The following NSMCE2 variants were observed in gnomAD, a reference collection of about 807,000 sequenced individuals.
The protein encoded by NSMCE2 is E3 SUMO-protein ligase NSE2.
Under a neutral mutation model 23.8 loss-of-function variants are expected in NSMCE2, and 24 were observed. The ratio of observed to expected loss-of-function variants is 1.01; its 90% CI spans 0.73 to 1.42. The LOEUF is 1.42. Ranked by LOEUF, NSMCE2 falls within the 40% of genes most tolerant of loss-of-function variation. The pLI, the probability that NSMCE2 is intolerant of heterozygous loss-of-function variation, is 0.00. For synonymous variants in NSMCE2, 92 were observed against 94.1 expected (o/e 0.98, Z 0.13); for missense variants, 284 against 296.5 (o/e 0.96, Z 0.31).
intron 5 of NSMCE2, among the ~76,000 whole-genome samples, chr8:125,325,420 G>C (rs550259864): frequency 6.6e-6 from 1 of 152,260 alleles, no homozygotes; most frequent in African/African-American, 2.4e-5. Context: ...GCACGATCTC[G>C]GCTCATTGCA....
chr8:125,137,231 A>G (rs1469357794), intron 3 of NSMCE2, among the ~76,000 whole-genome samples: 5 of 152,204 alleles, frequency 3.3e-5, no homozygotes, highest in Non-Finnish European at 7.3e-5. Context: ...CTTCTTATTT[A>G]GATGGACATT....
intron 3 of NSMCE2, among the ~76,000 whole-genome samples, chr8:125,115,799 G>A (rs1447448487): frequency 6.6e-6 from 1 of 152,210 alleles, no homozygotes; most frequent in East Asian, 1.9e-4. Context: ...TGACCTGGGA[G>A]ATGCTTGCTG....
intron 3 of NSMCE2, among the ~76,000 whole-genome samples, chr8:125,137,658 A>G (rs1353641702): frequency 1.3e-5 from 2 of 152,200 alleles, no homozygotes; most frequent in Non-Finnish European, 2.9e-5. Flanking sequence ...CGAATTTGAC[A>G]AAGTCTTATG....
At chr8:125,147,656 G>T (rs955579722) in intron 3 of NSMCE2, among the ~76,000 whole-genome samples, 5 of 152,082 alleles carry the variant, frequency 3.3e-5, no homozygotes, top group African/African-American at 1.2e-4. Context: ...AAGAGTGGGA[G>T]AATTTTGATG....
chr8:125,174,715 C>G (rs1822393039), intron 4 of NSMCE2, among the ~76,000 whole-genome samples: 1 of 152,180 alleles, frequency 6.6e-6, no homozygotes, highest in African/African-American at 2.4e-5. Flanking sequence ...AAAGGTGTTT[C>G]CATGTTTGGT....
chr8:125,308,050 G>A (rs1828831227), intron 5 of NSMCE2, among the ~76,000 whole-genome samples: 1 of 151,938 alleles, frequency 6.6e-6, no homozygotes, highest in Non-Finnish European at 1.5e-5. Context: ...CTGGGTAACA[G>A]TGGCTCCCTG....
At chr8:125,260,659 C>G (rs1166898778) in intron 5 of NSMCE2, among the ~76,000 whole-genome samples, 1 of 151,404 alleles carries the variant, frequency 6.6e-6, no homozygotes, top group Non-Finnish European at 1.5e-5. Context: ...GAGTCTTGCT[C>G]TGTTACCCAG....
At chr8:125,214,884 T>G (rs941842425) in intron 5 of NSMCE2, among the ~76,000 whole-genome samples, 4 of 152,156 alleles carry the variant, frequency 2.6e-5, no homozygotes, top group African/African-American at 9.7e-5. Context: ...TCAGTGAGAT[T>G]AGGTACGTTC....
In NSMCE2 at chr8:125,257,852, A is replaced by G. The variant is rs73704563; in HGVS notation, c.418+75596A>G. On this transcript the variant is annotated intron_variant, in intron 5 of 7. Coordinates refer to ENST00000287437, the MANE Select transcript of NSMCE2 (RefSeq NM_173685.4). ...CCCGGCCAGACAAAACCAAATGTCA[A>G]TGGATAAGTGCATGGAAAGTAAGAA... 1.0e-3 allele frequency among the ~76,000 whole-genome samples: 153 copies of G among 152,212 alleles called. 2 individuals are homozygous for G. The highest frequency in any genetic ancestry group is 3.5e-3 in the African/African-American group (147 of 41,546).
intron 5 of NSMCE2, among the ~76,000 whole-genome samples, chr8:125,331,803 A>G (rs1373963560): frequency 6.6e-6 from 1 of 152,202 alleles, no homozygotes; most frequent in Non-Finnish European, 1.5e-5. Flanking sequence ...AGCATGGTCC[A>G]CTTCTTGCAA....
chr8:125,107,002 A>G (rs925976085), intron 3 of NSMCE2, among the ~76,000 whole-genome samples: 2 of 151,960 alleles, frequency 1.3e-5, no homozygotes, highest in Admixed American at 1.3e-4. Flanking sequence ...TCTCAAAAAA[A>G]AAACAACAAA....
chr8:125,328,709 G>A (rs904816983), intron 5 of NSMCE2, among the ~76,000 whole-genome samples: 8 of 152,090 alleles, frequency 5.3e-5, no homozygotes, highest in African/African-American at 9.7e-5. Context: ...ATCTATCATC[G>A]GTGTTTCATC....
intron 5 of NSMCE2, among the ~76,000 whole-genome samples, chr8:125,242,940 C>T (rs1246690324): frequency 2.6e-5 from 4 of 151,842 alleles, no homozygotes; most frequent in Non-Finnish European, 5.9e-5. Flanking sequence ...TTTTCTTTTG[C>T]TGGAACCTAA....
chr8:125,271,184 C>T (rs915012071), intron 5 of NSMCE2, among the ~76,000 whole-genome samples: 7 of 151,132 alleles, frequency 4.6e-5, no homozygotes, highest in African/African-American at 1.7e-4. Context: ...TTGCTTGAAC[C>T]TGGGAGGTGG....
At chr8:125,347,031 GA>G (rs991008374) in intron 5 of NSMCE2, among the ~76,000 whole-genome samples, 20 of 152,266 alleles carry the variant, frequency 1.3e-4, no homozygotes, top group Admixed American at 2.6e-4. Context: ...GAAGCAGACA[GA>G]AAAAAATTGA....
At chr8:125,101,265 G>T (rs901730992) in intron 1 of NSMCE2, among the ~76,000 whole-genome samples, 1 of 152,208 alleles carries the variant, frequency 6.6e-6, no homozygotes, top group African/African-American at 2.4e-5. Context: ...TACAATAGTA[G>T]TTCAGCTGTG....
At chr8:125,309,946 C>T (rs1828916157) in intron 5 of NSMCE2, among the ~76,000 whole-genome samples, 1 of 152,180 alleles carries the variant, frequency 6.6e-6, no homozygotes, top group Admixed American at 6.5e-5. Flanking sequence ...AATGTTAAAG[C>T]TCTGCTGTGA....
intron 5 of NSMCE2, among the ~76,000 whole-genome samples, chr8:125,223,559 T>C (rs1234349205): frequency 6.6e-6 from 1 of 152,192 alleles, no homozygotes; most frequent in Admixed American, 6.5e-5. Context: ...CATACTGTTT[T>C]TCATAATAGC....
chr8:125,184,407 A>G (rs539014315), intron 5 of NSMCE2, among the ~76,000 whole-genome samples: 3 of 152,310 alleles, frequency 2.0e-5, no homozygotes, highest in South Asian at 2.1e-4. Context: ...TCAGGCCACC[A>G]GTACACATTA....
Sources: allele counts gnomAD v4.1 joint callset (sites outside exome capture counted in the v4.1 genomes callset), GRCh38; gene constraint gnomAD v4.1.1; transcripts MANE v1.5; gene names NCBI Gene and HGNC (gene_info 2026-07-23, HGNC 2026-07-21).